The following HACD2 variants were observed in gnomAD, a reference collection of about 807,000 sequenced individuals.
HACD2 encodes very-long-chain (3R)-3-hydroxyacyl-CoA dehydratase 2.
Under a neutral mutation model 31.0 loss-of-function variants are expected in HACD2, and 15 were observed. The observed-to-expected ratio is 0.48, with a 90% CI of 0.32 to 0.75. The LOEUF is 0.75. Ranked by LOEUF, HACD2 falls within the 30% of genes least tolerant of loss-of-function variation. The probability of loss-of-function intolerance (pLI) is 0.03; values close to 1 mark genes in which losing one functional copy is unlikely to be tolerated. For synonymous variants in HACD2, 115 were observed against 122.2 expected (o/e 0.94, Z 0.39); for missense variants, 283 against 313.0 (o/e 0.90, Z 0.72).
rs1672914709 is a variant in HACD2 at position 123,573,313 on chromosome 3, A to G, written c.274-5533T>C. On this transcript the variant is annotated intron_variant, in intron 2 of 6. Coordinates refer to ENST00000383657, the MANE Select transcript of HACD2 (RefSeq NM_198402.5). ...TCTGAATTTTTTCTACAATGAATAT[A>G]TAGTACTTATTACTGGGGGAAAACA... 2.0e-5 allele frequency among the ~76,000 whole-genome samples: 3 copies of G among 152,190 alleles called. No homozygotes were observed. The South Asian group carries it at 6.2e-4, about 32-fold the overall frequency.
At chr3:123,499,583 G>T in intron 6 of HACD2, 1 of 453,442 alleles carries the variant, frequency 2.2e-6, no homozygotes, top group Non-Finnish European at 4.4e-6. Context: ...CTTTGTTAGG[G>T]TGATTCATTC....
intron 3 of HACD2, among the ~76,000 whole-genome samples, chr3:123,538,449 A>G (rs915943675): frequency 2.0e-5 from 3 of 152,232 alleles, no homozygotes; most frequent in Non-Finnish European, 4.4e-5. Flanking sequence ...ACAGAAATGA[A>G]TATTAAAGGA....
intron 3 of HACD2, among the ~76,000 whole-genome samples, chr3:123,552,763 A>T (rs1196615388): frequency 1.3e-5 from 2 of 152,202 alleles, no homozygotes; most frequent in Non-Finnish European, 2.9e-5. Flanking sequence ...AGAACTGAAC[A>T]AAAAATTGAT....
intron 3 of HACD2, among the ~76,000 whole-genome samples, chr3:123,528,824 C>T (rs914248883): frequency 2.0e-5 from 3 of 152,020 alleles, no homozygotes; most frequent in South Asian, 2.1e-4. Context: ...TTTTACAATA[C>T]GGGTTTCAAA....
chr3:123,558,964 A>C (rs903127034), intron 3 of HACD2, among the ~76,000 whole-genome samples: 2 of 152,202 alleles, frequency 1.3e-5, no homozygotes, highest in Non-Finnish European at 2.9e-5. Context: ...CAAGCAAATC[A>C]AACTCATGTT....
chr3:123,569,148 G>A (rs2056825941), intron 2 of HACD2, among the ~76,000 whole-genome samples: 1 of 152,028 alleles, frequency 6.6e-6, no homozygotes, highest in Admixed American at 6.6e-5. Flanking sequence ...CAATGTTGCT[G>A]GTAACTGACA....
intron 3 of HACD2, among the ~76,000 whole-genome samples, chr3:123,535,544 G>A (rs1306399856): frequency 6.6e-6 from 1 of 152,194 alleles, no homozygotes; most frequent in East Asian, 1.9e-4. Flanking sequence ...TTATGGCACA[G>A]TCTCTTCCCC....
At chr3:123,573,839 A>T (rs1398185961) in intron 2 of HACD2, among the ~76,000 whole-genome samples, 1 of 152,204 alleles carries the variant, frequency 6.6e-6, no homozygotes, top group Non-Finnish European at 1.5e-5. Flanking sequence ...TTTTTCCTTT[A>T]TCACTTAATT....
At chr3:123,503,704 G>T (rs2055936318) in intron 4 of HACD2, among the ~76,000 whole-genome samples, 1 of 115,304 alleles carries the variant, frequency 8.7e-6, no homozygotes. Flanking sequence ...TAGTTTCCAT[G>T]CATCAAAAAA....
At chr3:123,514,419 AATTGTTTT>A (rs200939783) in intron 4 of HACD2, among the ~76,000 whole-genome samples, 3,735 of 64,896 alleles carry the variant, frequency 0.058, 64 homozygotes, top group Middle Eastern at 0.21. Context: ...CTTCAGAAAA[AATTGTTTT>A]CTAAAAATCA....
At position 123,496,685 on chromosome 3, in the gene HACD2, A is replaced by G. The variant is rs28610464; in HGVS notation, c.683-1715T>C. 2.8e-3 allele frequency among the ~76,000 whole-genome samples: 421 copies of G among 152,328 alleles called. 2 individuals carry two copies. The highest frequency in any genetic ancestry group is 9.9e-3 in the African/African-American group (412 of 41,564). On this transcript the variant is annotated intron_variant, in intron 6 of 6. Coordinates refer to ENST00000383657, the MANE Select transcript of HACD2 (RefSeq NM_198402.5). ...AAACTGGAAGTAAAGATATAATTAA[A>G]CCATTAGGAATGTTAATGGTAATCA...
chr3:123,542,634 T>C (rs2056507308), intron 3 of HACD2, among the ~76,000 whole-genome samples: 1 of 152,214 alleles, frequency 6.6e-6, no homozygotes, highest in South Asian at 2.1e-4. Context: ...GACACAGACA[T>C]TGGTTGAAAA....
In HACD2 at chr3:123,563,292, G is replaced by A. The variant is rs537542845; in HGVS notation, c.292+4470C>T. 2.0e-5 allele frequency among the ~76,000 whole-genome samples: 3 copies of A among 152,300 alleles called. No individual in the cohort carries two copies. In the South Asian group the frequency reaches 6.2e-4, roughly 32 times the overall value. On this transcript the variant is annotated intron_variant, in intron 3 of 6. Coordinates refer to ENST00000383657, the MANE Select transcript of HACD2 (RefSeq NM_198402.5). ...TGGGTGGTAGGGAAGTTTACTGGAA[G>A]AGACACACAGAGCTGGCCAGCTGAA...
chr3:123,535,016 T>C (rs2107713405), intron 3 of HACD2, among the ~76,000 whole-genome samples: 1 of 152,290 alleles, frequency 6.6e-6, no homozygotes, highest in African/African-American at 2.4e-5. Context: ...GGTTAATTTA[T>C]TATTGCAGAA....
At chr3:123,569,644 G>A (rs975503261) in intron 2 of HACD2, among the ~76,000 whole-genome samples, 1 of 152,132 alleles carries the variant, frequency 6.6e-6, no homozygotes, top group Non-Finnish European at 1.5e-5. Flanking sequence ...TTACAGGCAT[G>A]AGCCACTGCA....
intron 4 of HACD2, among the ~76,000 whole-genome samples, chr3:123,505,608 G>A (rs186388403): frequency 1.1e-4 from 17 of 152,306 alleles, no homozygotes; most frequent in Admixed American, 3.9e-4. Context: ...CCAACAGGGT[G>A]TGAGGTGGCT....
At chr3:123,510,966 T>A (rs867743992) in intron 4 of HACD2, among the ~76,000 whole-genome samples, 50 of 146,866 alleles carry the variant, frequency 3.4e-4, no homozygotes, top group South Asian at 6.5e-4. Context: ...TTTTTTTTTT[T>A]AAATAATAGC....
Position 123,547,384 on chromosome 3 carries a change from T to C in HACD2, c.293-18910A>G, listed in dbSNP as rs913985352. ...TGATTCTTCACAGTAGATAAAGTAC[T>C]GTGGGAATTACTTTGCTTTGAATTC... On this transcript the variant is annotated intron_variant, in intron 3 of 6. Transcript: ENST00000383657. 2.0e-5 allele frequency among the ~76,000 whole-genome samples: 3 copies of C among 152,222 alleles called. No homozygotes were observed. The South Asian group carries it at 6.2e-4, about 31-fold the overall frequency.
intron 4 of HACD2, among the ~76,000 whole-genome samples, chr3:123,521,997 A>G (rs1278877306): frequency 6.6e-6 from 1 of 152,148 alleles, no homozygotes; most frequent in Non-Finnish European, 1.5e-5. Context: ...AAGATGCAAC[A>G]TGGGATGACA....
Sources: allele counts gnomAD v4.1 joint callset (sites outside exome capture counted in the v4.1 genomes callset), GRCh38; gene constraint gnomAD v4.1.1; transcripts MANE v1.5; gene names NCBI Gene and HGNC (gene_info 2026-07-23, HGNC 2026-07-21).